Variants in SNTG1 observed in about 807,000 individuals in gnomAD.
SNTG1 encodes the protein syntrophin gamma 1.
SNTG1 carries 39 observed loss-of-function variants against 74.7 expected under a neutral mutation model. That is an observed-to-expected ratio of 0.52 (90% CI 0.40 to 0.68). The LOEUF (loss-of-function observed/expected upper bound fraction) is 0.68, where lower values mean the gene tolerates loss of function less well. Among genes scored for constraint, SNTG1 ranks in the 30% least tolerant of loss-of-function variants. The probability of loss-of-function intolerance (pLI) is 0.00; values close to 1 mark genes in which losing one functional copy is unlikely to be tolerated. For missense variants in SNTG1, 685 were observed against 609.5 expected (o/e 1.12, Z -1.30); for synonymous variants, 254 against 217.1 (o/e 1.17, Z -1.49).
intron 2 of SNTG1, among the ~76,000 whole-genome samples, chr8:50,276,270 T>C (rs1224370528): frequency 3.3e-5 from 5 of 152,012 alleles, no homozygotes; most frequent in Non-Finnish European, 7.4e-5. Context: ...CTCACAACTG[T>C]GATACAGCTA....
intron 5 of SNTG1, among the ~76,000 whole-genome samples, chr8:50,444,065 G>A (rs527873900): frequency 8.5e-5 from 13 of 152,208 alleles, no homozygotes; most frequent in Admixed American, 6.5e-4. Flanking sequence ...TTGAACCGGG[G>A]AGGCAGAGGT....
intron 2 of SNTG1, among the ~76,000 whole-genome samples, chr8:50,385,861 T>C (rs1193467302): frequency 1.6e-4 from 25 of 152,200 alleles, no homozygotes; most frequent in Admixed American, 1.2e-3. Flanking sequence ...GCTAAGCTTG[T>C]GGTAATCCAT....
At chr8:49,941,625 G>A (rs987771079) in intron 1 of SNTG1, among the ~76,000 whole-genome samples, 11 of 151,848 alleles carry the variant, frequency 7.2e-5, no homozygotes, top group African/African-American at 1.5e-4. Flanking sequence ...CCTGGCCTGC[G>A]GCCTGAGTGA....
chr8:50,026,203 A>C (rs907241146), intron 1 of SNTG1, among the ~76,000 whole-genome samples: 3 of 152,218 alleles, frequency 2.0e-5, no homozygotes, highest in Admixed American at 1.3e-4. Flanking sequence ...GATTGAGTCC[A>C]TGTATACCTT....
At chr8:50,396,978 A>G (rs2092736061) in intron 3 of SNTG1, among the ~76,000 whole-genome samples, 1 of 152,212 alleles carries the variant, frequency 6.6e-6, no homozygotes, top group Non-Finnish European at 1.5e-5. Context: ...GCTAATTAAT[A>G]ATTTAAATAT....
chr8:50,776,515 CTT>C (rs1365863397), intron 18 of SNTG1, among the ~76,000 whole-genome samples: 3 of 146,668 alleles, frequency 2.0e-5, no homozygotes, highest in East Asian at 2.0e-4. Context: ...TATATTATGT[CTT>C]ATATTTCATA....
chr8:50,157,380 T>C (rs1313633353), intron 1 of SNTG1, among the ~76,000 whole-genome samples: 1 of 152,120 alleles, frequency 6.6e-6, no homozygotes, highest in East Asian at 1.9e-4. Context: ...GTGTCTTTCA[T>C]ATATGAGTAT....
intron 12 of SNTG1, among the ~76,000 whole-genome samples, chr8:50,576,180 C>T (rs960225697): frequency 6.6e-6 from 1 of 152,130 alleles, no homozygotes; most frequent in African/African-American, 2.4e-5. Context: ...GAAGGTCCAG[C>T]TTCATGATTT....
At chr8:49,935,523 C>CA (rs59390567) in intron 1 of SNTG1, among the ~76,000 whole-genome samples, 11,969 of 75,360 alleles carry the variant, frequency 0.16, 729 homozygotes, top group South Asian at 0.28. Flanking sequence ...AGATGTAAAC[C>CA]AAAAAAAAAA....
chr8:50,251,770 T>TTATAATACAA (rs2086657634), intron 2 of SNTG1, among the ~76,000 whole-genome samples: 1 of 152,014 alleles, frequency 6.6e-6, no homozygotes, highest in East Asian at 1.9e-4. Flanking sequence ...GGTAAGAGAC[T>TTATAATACAA]TCAGCTTCAC....
At chr8:50,220,134 CA>C (rs1368417405) in intron 2 of SNTG1, among the ~76,000 whole-genome samples, 1 of 152,128 alleles carries the variant, frequency 6.6e-6, no homozygotes, top group South Asian at 2.1e-4. Context: ...ATCAAAGCCT[CA>C]AAAAATCCCA....
intron 13 of SNTG1, among the ~76,000 whole-genome samples, chr8:50,633,115 T>A (rs1479496796): frequency 6.6e-6 from 1 of 152,084 alleles, no homozygotes; most frequent in African/African-American, 2.4e-5. Flanking sequence ...GATCAAATTG[T>A]TCCTTCAACC....
intron 9 of SNTG1, among the ~76,000 whole-genome samples, chr8:50,508,677 T>C (rs1337904591): frequency 6.6e-6 from 1 of 152,248 alleles, no homozygotes; most frequent in South Asian, 2.1e-4. Context: ...CCAGTGATGA[T>C]GAGCATTTTT....
At chr8:49,976,332 T>G (rs533348796) in intron 1 of SNTG1, among the ~76,000 whole-genome samples, 5 of 152,236 alleles carry the variant, frequency 3.3e-5, no homozygotes, top group Non-Finnish European at 7.3e-5. Context: ...CAGAAAGGAT[T>G]GGATGGCAAG....
At chr8:50,392,240 A>C (rs1488716713) in intron 2 of SNTG1, among the ~76,000 whole-genome samples, 1 of 152,248 alleles carries the variant, frequency 6.6e-6, no homozygotes, top group African/African-American at 2.4e-5. Flanking sequence ...CAATTGTAGC[A>C]AAATGATTGG....
intron 11 of SNTG1, among the ~76,000 whole-genome samples, chr8:50,546,625 A>G (rs1208115390): frequency 6.6e-6 from 1 of 150,570 alleles, no homozygotes; most frequent in Non-Finnish European, 1.5e-5. Context: ...GAGTGAGAAC[A>G]TGCGGTGTTT....
chr8:49,943,193 G>A (rs1312564701), intron 1 of SNTG1, among the ~76,000 whole-genome samples: 5 of 152,154 alleles, frequency 3.3e-5, no homozygotes, highest in Non-Finnish European at 1.5e-5. Context: ...TTTCAGAAAG[G>A]TGAGGTGATT....
chr8:50,479,370 T>C (rs1448595375), intron 8 of SNTG1, among the ~76,000 whole-genome samples: 1 of 152,152 alleles, frequency 6.6e-6, no homozygotes, highest in East Asian at 1.9e-4. Flanking sequence ...TTTCTGACTG[T>C]TTTTAAGCGT....
chr8:50,522,609 C>T (rs571516010), intron 9 of SNTG1, among the ~76,000 whole-genome samples: 37 of 140,876 alleles, frequency 2.6e-4, no homozygotes, highest in Middle Eastern at 3.9e-3. Flanking sequence ...GACAGAGTCT[C>T]GTTCTGTCAC....
Sources: gnomAD v4.1 joint callset for allele counts (sites outside exome capture counted in the v4.1 genomes callset) on GRCh38, gnomAD v4.1.1 for gene constraint, MANE v1.5 for transcripts, NCBI Gene and HGNC (gene_info 2026-07-23, HGNC 2026-07-21) for gene names.